The following SCGB2A1 variants were observed in gnomAD, a reference collection of about 807,000 sequenced individuals.
The protein encoded by SCGB2A1 is mammaglobin-B.
SCGB2A1 carries 6 observed loss-of-function variants against 9.2 expected under a neutral mutation model. The ratio of observed to expected loss-of-function variants is 0.66; its 90% confidence interval spans 0.36 to 1.29. The LOEUF is 1.29. Among genes scored for constraint, SCGB2A1 ranks in the 50% most tolerant of loss-of-function variants. SCGB2A1 has a pLI of 0.03. For synonymous variants in SCGB2A1, 37 were observed against 41.0 expected (o/e 0.90, Z 0.37); for missense variants, 138 against 116.9 (o/e 1.18, Z -0.83).
At chr11:62,210,627 C>T in intron 2 of SCGB2A1, 27 bp downstream of exon 2, 1 of 1,484,216 alleles carries the variant, frequency 6.7e-7, no homozygotes, top group Non-Finnish European at 8.9e-7. Context: ...CTTATGTACC[C>T]TTTGAAAATC....
Position 62,213,904 on chromosome 11 carries a change from T to C in SCGB2A1, c.*134T>C. On this transcript the variant is annotated 3_prime_UTR_variant, in exon 3 of 3. Transcript: ENST00000244930. The stretch of plus-strand genomic sequence containing the variant: ...GCTAGACAACTGTTGAAACCTCAAA[T>C]TCATTTCCATTTCAATAAACTAACT... 1 of 642,548 alleles carries C rather than the reference T, an allele frequency of 1.6e-6. No homozygotes were observed. Among genetic ancestry groups the C allele is most frequent in the Admixed American group, 2.8e-5 (1 of 35,118 alleles). 39.8% of individuals were successfully genotyped at this position (642,548 alleles called of 1,614,324 possible).
intron 1 of SCGB2A1, 145 bp from the exon 2 acceptor site, chr11:62,210,268 C>T: frequency 1.0e-6 from 1 of 960,576 alleles, no homozygotes; most frequent in African/African-American, 1.7e-5. Flanking sequence ...GAGAACTCTG[C>T]ATACTGCACC....
At chr11:62,210,235 C>T (rs1394784863) in intron 1 of SCGB2A1, among the ~76,000 whole-genome samples, 178 bp from the exon 2 acceptor site, 1 of 152,126 alleles carries the variant, frequency 6.6e-6, no homozygotes, top group Non-Finnish European at 1.5e-5. Flanking sequence ...ATTTGCAGAG[C>T]CTGAGTTTAC....
Position 62,213,807 on chromosome 11 carries a change from T to C in SCGB2A1, c.*37T>C. 1.3e-6 allele frequency: 2 copies of C among 1,578,698 alleles called. No homozygotes were observed. The highest frequency in any genetic ancestry group is 8.7e-7 in the Non-Finnish European group (1 of 1,151,354). On this transcript the variant is annotated 3_prime_UTR_variant, in exon 3 of 3. Transcript: ENST00000244930. ...GCGTTTGGCTCAGAGGGCTACAGAC[T>C]ATGGCCAGAACTCATCTGTTGATTG...
chr11:62,208,700 C>T lies in SCGB2A1; in HGVS notation c.-32C>T, dbSNP rs1243664425. On this transcript the variant is annotated 5_prime_UTR_variant, in exon 1 of 3. Coordinates refer to ENST00000244930, the MANE Select transcript of SCGB2A1 (RefSeq NM_002407.3). ...AGCAACTTCCTTGATCCCTGCCACG[C>T]ACGACTGAACACAGACAGCAGCCGC... 8 of 1,612,012 alleles carry T rather than the reference C, an allele frequency of 5.0e-6. No individual in the cohort carries two copies. Among genetic ancestry groups the T allele is most frequent in the Non-Finnish European group, 5.1e-6 (6 of 1,178,712 alleles).
rs757838444 is a variant in SCGB2A1, at chr11:62,210,439, A to G, written c.82A>G (p.Met28Val). 4 of 1,554,576 alleles carry G rather than the reference A, an allele frequency of 2.6e-6. No homozygotes were observed. The highest frequency in any genetic ancestry group is 2.5e-5 in the South Asian group (2 of 79,058). Residue 28 changes from methionine (M) to valine (V), a missense_variant, in exon 2 of 3, where the codon ATG (methionine) becomes GTG (valine). Met to Val is a conservative substitution (Grantham distance 21). Coordinates refer to ENST00000244930, the MANE Select transcript of SCGB2A1 (RefSeq NM_002407.3). ...ADSGCKLLED[M>V]VEKTINSDIS... ...TTCTGGCTGCAAACTCCTGGAGGAC[A>G]TGGTTGAAAAGACCATCAATTCCGA...
chr11:62,211,721 C>T (rs1014643183), intron 2 of SCGB2A1, among the ~76,000 whole-genome samples: 1 of 151,856 alleles, frequency 6.6e-6, no homozygotes, highest in East Asian at 1.9e-4. Flanking sequence ...ATTTAAAATG[C>T]AAGTCCAAGC....
intron 2 of SCGB2A1, among the ~76,000 whole-genome samples, chr11:62,211,099 T>C (rs1944827809): frequency 6.6e-6 from 1 of 151,984 alleles, no homozygotes; most frequent in East Asian, 1.9e-4. Context: ...AATTTTTGTA[T>C]TTTAACTAGA....
At chr11:62,211,409 A>G (rs2134734530) in intron 2 of SCGB2A1, among the ~76,000 whole-genome samples, 1 of 151,680 alleles carries the variant, frequency 6.6e-6, no homozygotes, top group Non-Finnish European at 1.5e-5. Flanking sequence ...TAAAGAAAAA[A>G]ATTTTTTTGA....
In SCGB2A1 at chr11:62,208,759, G is replaced by T. The variant is rs759525283; in HGVS notation, c.28G>T (p.Ala10Ser). 15 of 1,613,432 alleles carry T rather than the reference G, an allele frequency of 9.3e-6. No homozygotes were observed. The East Asian group carries it at 2.7e-4, about 29-fold the overall frequency. MKLLMVLML[A>S]ALLLHCYADS... Reference sequence around the variant, plus strand: ...GAAGCTGCTGATGGTCCTCATGCTGGCGGCCCTCCTCCTGCACTGCTATGC... The same window carrying T: ...GAAGCTGCTGATGGTCCTCATGCTGTCGGCCCTCCTCCTGCACTGCTATGC... The change falls in exon 1 of 3, where the codon GCG becomes TCG. Residue 10 changes from alanine to serine, a missense_variant. Transcript: ENST00000244930.
chr11:62,208,957 C>T (rs1944806348), intron 1 of SCGB2A1, among the ~76,000 whole-genome samples, 171 bp downstream of exon 1: 1 of 152,136 alleles, frequency 6.6e-6, no homozygotes, highest in South Asian at 2.1e-4. Context: ...ATGCAGTGTC[C>T]TCATGGGCTG....
chr11:62,209,087 G>C (rs1792869), intron 1 of SCGB2A1, among the ~76,000 whole-genome samples: 50 of 152,146 alleles, frequency 3.3e-4, no homozygotes, highest in African/African-American at 1.1e-3. Flanking sequence ...TATTTCAGTG[G>C]GGCAAGGGAG....
At chr11:62,211,582 T>C (rs554463331) in intron 2 of SCGB2A1, among the ~76,000 whole-genome samples, 2 of 152,148 alleles carry the variant, frequency 1.3e-5, no homozygotes, top group South Asian at 4.2e-4. Flanking sequence ...GTATTTTTAG[T>C]AGAGATGAGA....
In SCGB2A1 at chr11:62,213,087, TAC is replaced by T. The variant is rs367585318; in HGVS notation, c.244-635_244-634del. Among the ~76,000 whole-genome samples the T allele has an allele frequency of 9.3e-3, 1,107 of 119,208 alleles. 33 individuals are homozygous for T. The highest frequency in any genetic ancestry group is 0.013 in the Non-Finnish European group (816 of 60,878). The allele number at this position is 119,208 out of a possible 152,430, so 78.2% of individuals were successfully genotyped here. A position where few individuals can be genotyped will look rare whatever the true frequency, so the allele number is the denominator to read the frequency against. Reference sequence around the variant, plus strand: ...ACATATATACATATATACACATATATACACATATATATATATATATTTTTTTT... The same window carrying T: ...ACATATATACATATATACACATATATACATATATATATATATATTTTTTTT... On this transcript the variant is annotated intron_variant, in intron 2 of 2. Transcript: ENST00000244930.
chr11:62,213,092 A>ACATATG (rs72290775), intron 2 of SCGB2A1, among the ~76,000 whole-genome samples: 10 of 5,582 alleles, frequency 1.8e-3, no homozygotes, highest in African/African-American at 1.8e-3. Context: ...ATATATACAC[A>ACATATG]TATATATATA....
chr11:62,212,945 T>TAC (rs202114186), intron 2 of SCGB2A1, among the ~76,000 whole-genome samples: 4 of 131,248 alleles, frequency 3.0e-5, no homozygotes, highest in South Asian at 4.4e-4. Context: ...CACACATATG[T>TAC]ACACACATAT....
intron 2 of SCGB2A1, among the ~76,000 whole-genome samples, chr11:62,211,940 G>A (rs1944834689): frequency 1.3e-5 from 2 of 151,734 alleles, no homozygotes; most frequent in Non-Finnish European, 2.9e-5. Flanking sequence ...CGTTTTTTTC[G>A]AGATGGAGTT....
chr11:62,212,225 A>G (rs931292496), intron 2 of SCGB2A1, among the ~76,000 whole-genome samples: 1 of 151,936 alleles, frequency 6.6e-6, no homozygotes, highest in East Asian at 1.9e-4. Flanking sequence ...TTTATTTAAT[A>G]CCCTAAAATT....
At position 62,213,737 on chromosome 11, in the gene SCGB2A1, C is replaced by G. The variant is rs142728853; in HGVS notation, c.255C>G (p.Tyr85Ter). 39 of 1,613,600 alleles carry G rather than the reference C, an allele frequency of 2.4e-5. No individual in the cohort carries two copies. The highest frequency in any genetic ancestry group is 3.2e-5 in the Non-Finnish European group (38 of 1,179,906). Residue 85 changes from tyrosine (Y) to a stop codon, truncating the protein, a stop_gained, in exon 3 of 3, where the codon TAC (tyrosine) becomes TAG (stop). Coordinates refer to ENST00000244930, the MANE Select transcript of SCGB2A1 (RefSeq NM_002407.3). LOFTEE classifies it high-confidence loss of function. ...KNFGLMMHTV[Y>*]DSIWCNMKSN ...CTTTTGTTTTCCAGCATACAGTGTA[C>G]GACAGCATTTGGTGTAATATGAAGA...
Sources: gnomAD v4.1 joint callset for allele counts (sites outside exome capture counted in the v4.1 genomes callset) on GRCh38, gnomAD v4.1.1 for gene constraint, MANE v1.5 for transcripts, NCBI Gene and HGNC (gene_info 2026-07-23, HGNC 2026-07-21) for gene names.